The following RPF2 variants were observed in gnomAD, a reference collection of about 807,000 sequenced individuals.
RPF2 encodes the protein brix domain containing 1.
In RPF2, 21 loss-of-function variants were observed where a neutral mutation model predicts 38.9. That is an observed-to-expected ratio of 0.54 (90% CI 0.38 to 0.78). The LOEUF (loss-of-function observed/expected upper bound fraction) is 0.78, where lower values mean the gene tolerates loss of function less well. Among genes scored for constraint, RPF2 ranks in the 30% least tolerant of loss-of-function variants. The probability of loss-of-function intolerance (pLI) is 0.00; values close to 1 mark genes in which losing one functional copy is unlikely to be tolerated. For synonymous variants in RPF2, 121 were observed against 126.2 expected, an observed-to-expected ratio of 0.96 and a Z score of 0.28; for missense variants, 314 against 358.1, an observed-to-expected ratio of 0.88 and a Z score of 0.99.
intron 2 of RPF2, 98 bp from the exon 3 acceptor site, chr6:110,988,911 TCAGAATAAGATTGAGGCCC>T: frequency 7.7e-7 from 1 of 1,299,804 alleles, no homozygotes; most frequent in Non-Finnish European, 1.0e-6. Flanking sequence ...GCAGAAGCCC[TCAGAATAAGATTGAGGCCC>T]CAGAGCAATC....
At chr6:111,021,852 CTT>C (rs1454653262) in intron 8 of RPF2, among the ~76,000 whole-genome samples, 7 of 152,172 alleles carry the variant, frequency 4.6e-5, no homozygotes, top group Non-Finnish European at 8.8e-5. Context: ...TATTCACACA[CTT>C]TATTTGTGAA....
chr6:110,992,445 CT>C (rs56993092), intron 4 of RPF2, among the ~76,000 whole-genome samples: 284 of 141,316 alleles, frequency 2.0e-3, no homozygotes, highest in Admixed American at 2.7e-3. Context: ...GATGTTTTTA[CT>C]TTTTTTTTTT....
chr6:111,008,017 GCTT>G lies in RPF2; in HGVS notation c.394-20_394-18del. ...TTTAGACTTTGGTAATTATATAATT[GCTT>G]TTTTTTTTTTTTTTTAGAACAGTAA... On this transcript the variant is annotated intron_variant, in intron 6 of 9. Coordinates refer to ENST00000441448, the MANE Select transcript of RPF2 (RefSeq NM_032194.3). 8.2e-7 allele frequency: 1 copy of G among 1,213,556 alleles called. No individual in the cohort carries two copies. The highest frequency in any genetic ancestry group is 1.1e-6 in the Non-Finnish European group (1 of 871,102). The allele number at this position is 1,213,556 out of a possible 1,614,324, so 75.2% of individuals were successfully genotyped here. A position where few individuals can be genotyped will look rare whatever the true frequency, so the allele number is the denominator to read the frequency against.
chr6:111,020,210 G>A (rs1285419698), intron 8 of RPF2, among the ~76,000 whole-genome samples: 2 of 151,636 alleles, frequency 1.3e-5, no homozygotes, highest in East Asian at 1.9e-4. Context: ...GAGCCACCGC[G>A]CCTGACCTGG....
At chr6:110,990,731 C>T (rs1048986761) in intron 3 of RPF2, among the ~76,000 whole-genome samples, 1 of 121,220 alleles carries the variant, frequency 8.2e-6, no homozygotes, top group East Asian at 2.0e-4. Context: ...ATTACAGGTG[C>T]CCAGCTAATT....
intron 8 of RPF2, among the ~76,000 whole-genome samples, chr6:111,018,246 A>G (rs1434784230): frequency 2.0e-5 from 3 of 151,426 alleles, no homozygotes; most frequent in Non-Finnish European, 2.9e-5. Flanking sequence ...GGAGAGGGCA[A>G]TTGTGGTTCT....
At chr6:110,992,839 G>T (rs1771643262) in intron 4 of RPF2, among the ~76,000 whole-genome samples, 1 of 152,154 alleles carries the variant, frequency 6.6e-6, no homozygotes, top group Admixed American at 6.5e-5. Flanking sequence ...CACTTTGGGA[G>T]GCCAAGGCAG....
chr6:110,990,493 T>G (rs1463725212), intron 3 of RPF2, among the ~76,000 whole-genome samples: 3 of 150,374 alleles, frequency 2.0e-5, no homozygotes, highest in Non-Finnish European at 4.5e-5. Flanking sequence ...TCCTCATATA[T>G]TCTTCTGGAT....
chr6:110,994,111 T>C (rs1241087947), intron 4 of RPF2, among the ~76,000 whole-genome samples: 2 of 152,138 alleles, frequency 1.3e-5, no homozygotes, highest in Non-Finnish European at 2.9e-5. Context: ...ACCCTGTCTC[T>C]ATTAAAAATA....
Position 110,989,073 on chromosome 6 carries a change from A to G in RPF2, c.194+8A>G. The G allele has an allele frequency of 6.5e-7, 1 of 1,546,626 alleles. No homozygotes were observed. The highest frequency in any genetic ancestry group is 2.4e-5 in the East Asian group (1 of 41,106). ...CGGTGTACTATATAAAAAGTAAGTC[A>G]TGATTTCTTTTACTGTATTTTAAAT... On this transcript the variant is annotated splice_region_variant and intron_variant, in intron 3 of 9. Coordinates refer to ENST00000441448, the MANE Select transcript of RPF2 (RefSeq NM_032194.3).
intron 8 of RPF2, among the ~76,000 whole-genome samples, chr6:111,017,210 C>T (rs150153070): frequency 0.16 from 24,490 of 151,266 alleles, 2,502 homozygotes; most frequent in East Asian, 0.52. Flanking sequence ...ACCTCCCAGA[C>T]GGGGTGGCGG....
intron 5 of RPF2, 21 bp downstream of exon 5, chr6:110,997,285 A>C: frequency 7.0e-7 from 1 of 1,430,940 alleles, no homozygotes; most frequent in Non-Finnish European, 9.8e-7. Flanking sequence ...TTTACTTTTT[A>C]ATGTTTTCAC....
At chr6:111,008,428 C>T (rs975795614) in intron 7 of RPF2, among the ~76,000 whole-genome samples, 1 of 151,488 alleles carries the variant, frequency 6.6e-6, no homozygotes, top group Non-Finnish European at 1.5e-5. Flanking sequence ...TTTCCCTTAC[C>T]AGCAGCAGGA....
At chr6:110,990,097 C>G (rs1460128575) in intron 3 of RPF2, among the ~76,000 whole-genome samples, 1 of 151,976 alleles carries the variant, frequency 6.6e-6, no homozygotes, top group Non-Finnish European at 1.5e-5. Context: ...CGCCACCACG[C>G]CCGGCTAATT....
chr6:111,000,654 C>T (rs1771797823), intron 6 of RPF2, among the ~76,000 whole-genome samples: 1 of 152,208 alleles, frequency 6.6e-6, no homozygotes, highest in Admixed American at 6.5e-5. Flanking sequence ...ACAAATTGGG[C>T]TTCTGTTCCC....
intron 6 of RPF2, among the ~76,000 whole-genome samples, chr6:111,002,157 G>C (rs1471595791): frequency 6.6e-6 from 1 of 152,170 alleles, no homozygotes; most frequent in East Asian, 1.9e-4. Context: ...GTGCACGCCT[G>C]TAATCCCAGC....
In RPF2 at chr6:110,999,684, A is replaced by G. The variant is rs778417211; in HGVS notation, c.317-27A>G. 10 of 1,479,534 alleles carry G rather than the reference A, an allele frequency of 6.8e-6. No homozygotes were observed. In the South Asian group the frequency reaches 7.9e-5, roughly 12 times the overall value. The allele number at this position is 1,479,534 out of a possible 1,614,324, so 91.7% of individuals were successfully genotyped here. ...TAAGGTGGCTCTTTGGGAAAAATAC[A>G]TGCTTAAAAATACATTTTCCTTCCA... On this transcript the variant is annotated intron_variant, in intron 5 of 9. Transcript: ENST00000441448.
At chr6:110,987,951 A>C (rs1771551904) in intron 2 of RPF2, among the ~76,000 whole-genome samples, 1 of 152,144 alleles carries the variant, frequency 6.6e-6, no homozygotes, top group African/African-American at 2.4e-5. Flanking sequence ...TAAGCCTAGG[A>C]TGACAGCCTG....
intron 4 of RPF2, among the ~76,000 whole-genome samples, chr6:110,993,211 C>G (rs1194260294): frequency 6.6e-6 from 1 of 152,062 alleles, no homozygotes; most frequent in Non-Finnish European, 1.5e-5. Flanking sequence ...TCCTAAAGTA[C>G]TGGGATTATG....
Sources: gnomAD v4.1 joint callset for allele counts (sites outside exome capture counted in the v4.1 genomes callset) on GRCh38, gnomAD v4.1.1 for gene constraint, MANE v1.5 for transcripts, NCBI Gene and HGNC (gene_info 2026-07-23, HGNC 2026-07-21) for gene names.